The following MCC variants were observed in gnomAD, a reference collection of about 807,000 sequenced individuals.
MCC encodes the protein colorectal mutant cancer protein.
MCC carries 90 observed loss-of-function variants against 116.2 expected under a neutral mutation model. The observed-to-expected ratio is 0.77, with a 90% CI of 0.65 to 0.92. The LOEUF (loss-of-function observed/expected upper bound fraction) is 0.92. Ranked by LOEUF, MCC falls within the 40% of genes least tolerant of loss-of-function variation. The pLI is 0.00. For synonymous variants in MCC, 578 were observed against 510.5 expected (o/e 1.13, Z -1.78); for missense variants, 1,516 against 1,312.2 (o/e 1.16, Z -2.40).
chr5:113,443,645 C>G (rs1256891554), intron 1 of MCC, among the ~76,000 whole-genome samples: 1 of 152,042 alleles, frequency 6.6e-6, no homozygotes, highest in Non-Finnish European at 1.5e-5. Flanking sequence ...TCATAAATAG[C>G]TCTTATTATT....
intron 18 of MCC, among the ~76,000 whole-genome samples, chr5:113,028,733 G>A (rs1453206109): frequency 2.0e-5 from 3 of 152,144 alleles, no homozygotes; most frequent in Non-Finnish European, 4.4e-5. Flanking sequence ...GCATTTCTTA[G>A]TTTCCACAGA....
chr5:113,055,692 G>A (rs528573802), intron 14 of MCC, among the ~76,000 whole-genome samples: 53 of 152,332 alleles, frequency 3.5e-4, no homozygotes, highest in Non-Finnish European at 7.2e-4. Context: ...CTCTTCAGAG[G>A]CTATGCCCAG....
Position 113,330,500 on chromosome 5 carries a change from C to T in MCC, c.627+10019G>A, listed in dbSNP as rs1177346788. ...CTCTCCTTTGCCTTTTCTTCAAAAA[C>T]GCAAAAAGTCATTAAGATGTTAATG... On this transcript the variant is annotated intron_variant, in intron 3 of 18. Coordinates refer to ENST00000408903, the MANE Select transcript of MCC (RefSeq NM_001085377.2). Among the ~76,000 whole-genome samples, 10 of 152,130 alleles carry T rather than the reference C, an allele frequency of 6.6e-5. No homozygotes were observed. In the East Asian group the frequency reaches 1.2e-3, roughly 18 times the overall value.
chr5:113,047,765 G>A (rs1026713793), intron 16 of MCC, among the ~76,000 whole-genome samples: 1 of 150,628 alleles, frequency 6.6e-6, no homozygotes, highest in African/African-American at 2.4e-5. Flanking sequence ...AGAGTCCACA[G>A]TTGTTTTTTT....
rs1018471290 is a variant in MCC at position 113,237,993 on chromosome 5, A to G, written c.628-86571T>C. Among the ~76,000 whole-genome samples the G allele has an allele frequency of 4.6e-5, 7 of 152,320 alleles. No individual in the cohort carries two copies. The South Asian group carries it at 1.0e-3, about 23-fold the overall frequency. The stretch of plus-strand genomic sequence containing the variant: ...GAAGTAGGGAAACAGAGGTGGAGGA[A>G]GCATGCTTTGTGGATTTTCTCTCCT... On this transcript the variant is annotated intron_variant, in intron 3 of 18. Coordinates refer to ENST00000408903, the MANE Select transcript of MCC (RefSeq NM_001085377.2).
intron 2 of MCC, among the ~76,000 whole-genome samples, chr5:113,377,835 T>C (rs1046051022): frequency 1.1e-4 from 17 of 152,138 alleles, no homozygotes; most frequent in African/African-American, 3.9e-4. Context: ...CCTTTATAAC[T>C]CCCAATTAAA....
At chr5:113,367,640 A>AAG (rs1768733085) in intron 2 of MCC, among the ~76,000 whole-genome samples, 1 of 73,666 alleles carries the variant, frequency 1.4e-5, no homozygotes, top group Non-Finnish European at 2.7e-5. Context: ...GGGGGGGGGG[A>AAG]AGAGAGAGAG....
At chr5:113,056,398 A>G (rs1015729031) in intron 14 of MCC, among the ~76,000 whole-genome samples, 3 of 152,236 alleles carry the variant, frequency 2.0e-5, no homozygotes, top group Non-Finnish European at 4.4e-5. Flanking sequence ...AGCCATAAAA[A>G]AAGAATGAGG....
chr5:113,063,228 T>G (rs1026379664), intron 14 of MCC, among the ~76,000 whole-genome samples: 1 of 152,174 alleles, frequency 6.6e-6, no homozygotes, highest in Non-Finnish European at 1.5e-5. Context: ...GGGAAGGCAT[T>G]CGTGTTTTTA....
chr5:113,259,364 T>TA (rs1466557600), intron 3 of MCC, among the ~76,000 whole-genome samples: 4 of 152,298 alleles, frequency 2.6e-5, no homozygotes, highest in Admixed American at 2.6e-4. Flanking sequence ...GAGACCAAGA[T>TA]AATCCCTCAA....
intron 1 of MCC, among the ~76,000 whole-genome samples, chr5:113,432,378 G>A (rs1357990017): frequency 4.0e-5 from 6 of 150,754 alleles, no homozygotes; most frequent in Admixed American, 1.3e-4. Flanking sequence ...GTGTTGGCTC[G>A]GAGCTGGAGT....
chr5:113,033,373 G>A (rs774934077), intron 17 of MCC, among the ~76,000 whole-genome samples: 7 of 152,140 alleles, frequency 4.6e-5, no homozygotes, highest in African/African-American at 1.2e-4. Flanking sequence ...TTGCAAGCAC[G>A]GGGCTCACTT....
intron 3 of MCC, among the ~76,000 whole-genome samples, chr5:113,239,938 AG>A (rs2150338555): frequency 6.6e-6 from 1 of 152,342 alleles, no homozygotes; most frequent in South Asian, 2.1e-4. Flanking sequence ...CACAGAGCTC[AG>A]GTTGAGCTTT....
At chr5:113,140,751 A>G (rs1470460530) in intron 5 of MCC, among the ~76,000 whole-genome samples, 1 of 152,180 alleles carries the variant, frequency 6.6e-6, no homozygotes, top group East Asian at 1.9e-4. Context: ...TTTAAGTGAC[A>G]CCAAAGTCTA....
chr5:113,405,118 A>T (rs1326340213), intron 1 of MCC, among the ~76,000 whole-genome samples: 1 of 152,256 alleles, frequency 6.6e-6, no homozygotes, highest in Non-Finnish European at 1.5e-5. Flanking sequence ...CCTGATATCT[A>T]AAAAGCAATG....
intron 1 of MCC, among the ~76,000 whole-genome samples, chr5:113,399,410 G>A (rs186198515): frequency 0.012 from 1,875 of 152,212 alleles, 19 homozygotes; most frequent in African/African-American, 0.026. Context: ...GAGTGAACCC[G>A]GGAGGTGGAG....
chr5:113,220,350 C>A (rs139035084), intron 3 of MCC, among the ~76,000 whole-genome samples: 1 of 151,858 alleles, frequency 6.6e-6, no homozygotes, highest in African/African-American at 2.4e-5. Flanking sequence ...TGAGCCACTG[C>A]GCCCGGCCAG....
chr5:113,050,349 G>A (rs1212814218), intron 15 of MCC, among the ~76,000 whole-genome samples: 3 of 152,090 alleles, frequency 2.0e-5, no homozygotes, highest in African/African-American at 4.8e-5. Context: ...CCAGCCCACC[G>A]TGAGATGGAC....
intron 18 of MCC, among the ~76,000 whole-genome samples, chr5:113,027,705 C>T (rs116003546): frequency 2.0e-5 from 3 of 151,706 alleles, no homozygotes; most frequent in Non-Finnish European, 2.9e-5. Flanking sequence ...TGAATCCAGC[C>T]GGATTGCTAG....
Sources: gnomAD v4.1 joint callset for allele counts (sites outside exome capture counted in the v4.1 genomes callset) on GRCh38, gnomAD v4.1.1 for gene constraint, MANE v1.5 for transcripts, NCBI Gene and HGNC (gene_info 2026-07-23, HGNC 2026-07-21) for gene names.